Variants in DDB1 observed in about 807,000 individuals in gnomAD.
The protein encoded by DDB1 is damage specific DNA binding protein 1, also known as DNA damage-binding protein 1.
Under a neutral mutation model 133.1 loss-of-function variants are expected in DDB1, and 18 were observed. That is an observed-to-expected ratio of 0.14 (90% CI 0.09 to 0.20). DDB1 has a LOEUF of 0.20. DDB1 is among the 10% of genes least tolerant of loss of function. The pLI is 1.00. For missense variants in DDB1, 828 were observed against 1,459.2 expected (o/e 0.57, Z 7.05); for synonymous variants, 580 against 550.5 (o/e 1.05, Z -0.75).
intron 20 of DDB1, 124 bp from the exon 21 acceptor site, chr11:61,309,201 C>T: frequency 2.4e-6 from 2 of 825,986 alleles, no homozygotes; most frequent in African/African-American, 1.7e-5. Context: ...AAAAAAACAA[C>T]ACAGACTCAG....
At chr11:61,330,892 G>C (rs529345982) in intron 2 of DDB1, among the ~76,000 whole-genome samples, 1 of 152,184 alleles carries the variant, frequency 6.6e-6, no homozygotes, top group Non-Finnish European at 1.5e-5. Context: ...CTGACCTCAC[G>C]TGATCCACCC....
intron 21 of DDB1, among the ~76,000 whole-genome samples, chr11:61,306,666 G>A (rs540958363): frequency 5.3e-5 from 8 of 152,082 alleles, no homozygotes; most frequent in South Asian, 2.1e-4. Flanking sequence ...CGTGTCCTCC[G>A]CTCTGCCTCT....
At chr11:61,304,862 A>G (rs1855859699) in intron 21 of DDB1, among the ~76,000 whole-genome samples, 1 of 149,700 alleles carries the variant, frequency 6.7e-6, no homozygotes, top group African/African-American at 2.5e-5. Flanking sequence ...TGGGGGACAG[A>G]GTGAGACTCC....
At chr11:61,325,551 G>A in intron 6 of DDB1, 60 bp downstream of exon 6, 1 of 1,382,034 alleles carries the variant, frequency 7.2e-7, no homozygotes, top group South Asian at 1.2e-5. Flanking sequence ...AGAAAGGGAG[G>A]AGCAAGGTGA....
At chr11:61,323,753 C>G in intron 7 of DDB1, 1 of 522,284 alleles carries the variant, frequency 1.9e-6, no homozygotes, top group Non-Finnish European at 3.4e-6. Context: ...TTTTCTGTTT[C>G]CCTTTCTTTT....
At chr11:61,312,624 G>GT (rs950118938) in intron 16 of DDB1, among the ~76,000 whole-genome samples, 7 of 147,944 alleles carry the variant, frequency 4.7e-5, no homozygotes, top group African/African-American at 1.8e-4. Context: ...TTTTAAGACA[G>GT]TTTTTTTTCT....
At chr11:61,310,502 G>C in intron 18 of DDB1, 84 bp from the exon 19 acceptor site, 6 of 1,436,544 alleles carry the variant, frequency 4.2e-6, no homozygotes, top group African/African-American at 1.4e-5. Context: ...CGTCAGATCA[G>C]GACACAAAGG....
chr11:61,326,574 G>C (rs906582249), intron 5 of DDB1, among the ~76,000 whole-genome samples: 1 of 152,080 alleles, frequency 6.6e-6, no homozygotes. Context: ...ATACTTTTGG[G>C]GGGAGAAGTG....
At chr11:61,308,733 T>C (rs534697712) in intron 21 of DDB1, among the ~76,000 whole-genome samples, 1 of 152,296 alleles carries the variant, frequency 6.6e-6, no homozygotes, top group East Asian at 1.9e-4. Context: ...GCAGGGACCA[T>C]AGGTCTCACT....
chr11:61,322,527 C>T, intron 8 of DDB1, 115 bp from the exon 9 acceptor site: 1 of 792,262 alleles, frequency 1.3e-6, no homozygotes. Flanking sequence ...ATCTGCCATT[C>T]TCATGTTCCA....
chr11:61,330,452 C>T (rs1017842003), intron 2 of DDB1, among the ~76,000 whole-genome samples: 1 of 152,106 alleles, frequency 6.6e-6, no homozygotes, highest in African/African-American at 2.4e-5. Flanking sequence ...GTGGGAATAA[C>T]AACGGAAGCT....
At chr11:61,322,092 T>C (rs1021160528) in intron 9 of DDB1, 11 of 594,034 alleles carry the variant, frequency 1.9e-5, no homozygotes, top group Non-Finnish European at 3.3e-5. Flanking sequence ...AGGGTACTTG[T>C]GTAATTAGAG....
chr11:61,300,890 T>C lies in DDB1; in HGVS notation c.3258A>G (p.Thr1086=), dbSNP rs1361566957. 4 of 1,614,192 alleles carry C rather than the reference T, an allele frequency of 2.5e-6. No individual in the cohort carries two copies. Among genetic ancestry groups the C allele is most frequent in the East Asian group, 2.2e-5 (1 of 44,878 alleles). Residue 1086 remains threonine (T), a synonymous_variant, in exon 26 of 27, where the codon ACA becomes ACG. Transcript: ENST00000301764. ...FHTERKTEPA[T]GFIDGDLIES... The stretch of plus-strand genomic sequence containing the variant: ...CAATCAAGTCACCGTCGATGAAACC[T>C]GTGGCTGGTTCTGTCTTCCGCTCGG...
intron 12 of DDB1, chr11:61,316,043 T>C: frequency 2.4e-6 from 1 of 422,938 alleles, no homozygotes; most frequent in Non-Finnish European, 4.2e-6. Flanking sequence ...GACCCGAGTC[T>C]ATAAAAGAAA....
intron 18 of DDB1, 164 bp from the exon 19 acceptor site, chr11:61,310,582 T>A: frequency 4.3e-6 from 3 of 696,784 alleles, no homozygotes; most frequent in Non-Finnish European, 6.7e-6. Context: ...AGAGGAGGCA[T>A]GTAGTTGAAA....
intron 10 of DDB1, 123 bp downstream of exon 10, chr11:61,321,472 T>TA: frequency 1.3e-6 from 1 of 769,954 alleles, no homozygotes; most frequent in African/African-American, 1.7e-5. Flanking sequence ...GATCTGTTGT[T>TA]ACGACTTTCA....
At chr11:61,331,400 C>A (rs941638098) in intron 2 of DDB1, 143 bp downstream of exon 2, 19 of 1,127,854 alleles carry the variant, frequency 1.7e-5, no homozygotes, top group Non-Finnish European at 2.2e-5. Flanking sequence ...GGAGGGATTG[C>A]TTGAGCTCAG....
chr11:61,308,158 C>T (rs540072310), intron 21 of DDB1, among the ~76,000 whole-genome samples: 6 of 152,340 alleles, frequency 3.9e-5, no homozygotes, highest in East Asian at 3.9e-4. Context: ...AGGCTCTGCA[C>T]GTTCTGGCCC....
Position 61,300,171 on chromosome 11 carries a change from T to C in DDB1, c.3388A>G (p.Ile1130Val). The C allele has an allele frequency of 6.2e-7, 1 of 1,614,080 alleles. No homozygotes were observed. Among genetic ancestry groups the C allele is most frequent in the South Asian group, 1.1e-5 (1 of 91,088 alleles). Residue 1130 changes from isoleucine (I) to valine (V), a missense_variant, in exon 27 of 27, where the codon ATC becomes GTC. Physicochemically the swap from Ile to Val is conservative, Grantham distance 29. Around this residue, in one of 7 missense-constraint regions of DDB1, gnomAD observed 116 missense variants for 221.6 expected, o/e 0.52. Coordinates refer to ENST00000301764, the MANE Select transcript of DDB1 (RefSeq NM_001923.5). ...CGAGTTAGCTCCTCCACAACCTTGATGAGGTCGTCTGCAGTGGCCTCTCGC... is the reference window on the plus strand; with the variant it reads ...CGAGTTAGCTCCTCCACAACCTTGACGAGGTCGTCTGCAGTGGCCTCTCGC... ...MKREATADDLIKVVEELTRIH is the reference protein window; with the variant it reads ...MKREATADDLVKVVEELTRIH
Sources: allele counts gnomAD v4.1 joint callset (sites outside exome capture counted in the v4.1 genomes callset), GRCh38; gene constraint gnomAD v4.1.1; regional missense constraint gnomAD v4.1.1; transcripts MANE v1.5; gene names NCBI Gene and HGNC (gene_info 2026-07-23, HGNC 2026-07-21).